The following MOB4 variants were observed in gnomAD, a reference collection of about 807,000 sequenced individuals.
The protein encoded by MOB4 is MOB-like protein phocein.
A neutral mutation model predicts 32.2 loss-of-function variants in MOB4; 4 were observed. That is an observed-to-expected ratio of 0.12 (90% CI 0.06 to 0.28). The LOEUF is 0.28. Among genes scored for constraint, MOB4 ranks in the 10% least tolerant of loss-of-function variants. The probability of loss-of-function intolerance (pLI) is 1.00; values close to 1 mark genes in which losing one functional copy is unlikely to be tolerated. For missense variants in MOB4, 158 were observed against 271.2 expected, an observed-to-expected ratio of 0.58 and a Z score of 2.93; for synonymous variants, 88 against 88.1, an observed-to-expected ratio of 1.00 and a Z score of 0.01.
chr2:197,520,410 C>T (rs574396653), intron 1 of MOB4, among the ~76,000 whole-genome samples: 33 of 152,170 alleles, frequency 2.2e-4, no homozygotes, highest in Admixed American at 1.4e-3. Flanking sequence ...AAGTGCTGAG[C>T]GTGAGCCACC....
At chr2:197,516,007 G>T, upstream of MOB4, 1 of 1,436,654 alleles carries the variant, frequency 7.0e-7, no homozygotes, top group Non-Finnish European at 9.5e-7. Flanking sequence ...CAGACGCAGA[G>T]CGCCGCTCTG....
chr2:197,524,551 AAAC>A (rs2086576483), intron 2 of MOB4, among the ~76,000 whole-genome samples: 2 of 151,928 alleles, frequency 1.3e-5, no homozygotes. Flanking sequence ...AAAAAAACAA[AAAC>A]AAAAACAAAA....
chr2:197,545,270 T>C (rs906511192), intron 5 of MOB4, among the ~76,000 whole-genome samples: 2 of 152,214 alleles, frequency 1.3e-5, no homozygotes, highest in African/African-American at 2.4e-5. Flanking sequence ...GTCTCTTATA[T>C]AAAATGGCAT....
intron 1 of MOB4, among the ~76,000 whole-genome samples, chr2:197,518,860 GTTC>G (rs2086464407): frequency 6.6e-6 from 1 of 151,358 alleles, no homozygotes; most frequent in Non-Finnish European, 1.5e-5. Context: ...GGTTCACGCT[GTTC>G]TTCTGCCTCG....
At chr2:197,516,463 C>A in intron 1 of MOB4, 1 of 1,135,044 alleles carries the variant, frequency 8.8e-7, no homozygotes, top group East Asian at 3.8e-5. Context: ...CCCTGAGCCC[C>A]AGCTGACTAG....
At chr2:197,541,399 C>T (rs1407876641) in intron 5 of MOB4, among the ~76,000 whole-genome samples, 2 of 152,114 alleles carry the variant, frequency 1.3e-5, no homozygotes, top group Admixed American at 1.3e-4. Context: ...TAGGCCAATT[C>T]TGTAGAATCA....
chr2:197,521,492 G>A (rs1162406387), intron 1 of MOB4, among the ~76,000 whole-genome samples: 2 of 152,166 alleles, frequency 1.3e-5, no homozygotes, highest in African/African-American at 4.8e-5. Flanking sequence ...AGGAGACAGG[G>A]TTTTGAGAGC....
Position 197,551,883 on chromosome 2 carries a change from A to G in MOB4, c.*1237A>G, listed in dbSNP as rs2087104417. ...TAAAGCACTGGAGGTCTTATTGCCAAACTGATTGTAATGAGGCAGTAAGGG... is the reference window on the plus strand; with the variant it reads ...TAAAGCACTGGAGGTCTTATTGCCAGACTGATTGTAATGAGGCAGTAAGGG... On this transcript the variant is annotated 3_prime_UTR_variant, in exon 8 of 8. Coordinates refer to ENST00000323303, the MANE Select transcript of MOB4 (RefSeq NM_015387.5). 1 of 152,350 alleles carries G rather than the reference A, an allele frequency of 6.6e-6. No individual in the cohort carries two copies. The highest frequency in any genetic ancestry group is 1.5e-5 in the Non-Finnish European group (1 of 68,034). The allele number at this position is 152,350 out of a possible 1,614,324, so 9.4% of individuals were successfully genotyped here.
chr2:197,540,041 TGCAGCTAA>T, intron 3 of MOB4, 62 bp from the exon 4 acceptor site: 1 of 1,510,232 alleles, frequency 6.6e-7, no homozygotes. Context: ...ATTCTCTTTT[TGCAGCTAA>T]TATTCTAAAA....
chr2:197,534,211 A>G (rs1246771508), intron 2 of MOB4, among the ~76,000 whole-genome samples: 1 of 152,242 alleles, frequency 6.6e-6, no homozygotes, highest in Non-Finnish European at 1.5e-5. Context: ...TGTCTGAAGT[A>G]GGCAAAATTG....
At position 197,551,841 on chromosome 2, in the gene MOB4, T is replaced by C. The variant is rs2087103438; in HGVS notation, c.*1195T>C. On this transcript the variant is annotated 3_prime_UTR_variant, in exon 8 of 8. Transcript: ENST00000323303. ...GCAGATTTAACAATCTTATAATCTA[T>C]TGAATGCCATTTTTGATAAAGCACT... The C allele has an allele frequency of 6.6e-6, 1 of 152,338 alleles. No homozygotes were observed. Among genetic ancestry groups the C allele is most frequent in the Non-Finnish European group, 1.5e-5 (1 of 68,024 alleles). 9.4% of individuals were successfully genotyped at this position (152,338 alleles called of 1,614,324 possible).
intron 2 of MOB4, among the ~76,000 whole-genome samples, chr2:197,532,759 GT>G (rs1472040921): frequency 6.6e-6 from 1 of 152,032 alleles, no homozygotes. Context: ...GAAAGTAAGT[GT>G]TAGTAAGTTG....
intron 3 of MOB4, among the ~76,000 whole-genome samples, chr2:197,536,915 G>GT: frequency 6.7e-6 from 1 of 150,326 alleles, no homozygotes; most frequent in East Asian, 1.9e-4. Context: ...TTTTTCCTTT[G>GT]TTTCTGTAGA....
At chr2:197,519,908 C>A (rs1254965633) in intron 1 of MOB4, among the ~76,000 whole-genome samples, 1 of 152,076 alleles carries the variant, frequency 6.6e-6, no homozygotes, top group African/African-American at 2.4e-5. Context: ...AAAAGGAATC[C>A]TGGAACCATT....
At chr2:197,524,594 G>T (rs2086577309) in intron 2 of MOB4, among the ~76,000 whole-genome samples, 2 of 150,260 alleles carry the variant, frequency 1.3e-5, no homozygotes, top group East Asian at 2.0e-4. Context: ...CTAATAAAAA[G>T]ATAATATAAA....
chr2:197,545,584 G>A (rs749758012), intron 5 of MOB4, among the ~76,000 whole-genome samples: 1 of 152,036 alleles, frequency 6.6e-6, no homozygotes, highest in Non-Finnish European at 1.5e-5. Context: ...AACATTAAAG[G>A]CTAAAAAGTT....
chr2:197,545,227 A>AC (rs1029106383), intron 5 of MOB4, among the ~76,000 whole-genome samples: 2 of 152,104 alleles, frequency 1.3e-5, no homozygotes, highest in African/African-American at 2.4e-5. Context: ...TGGTCCCAGG[A>AC]CCCCCATGAA....
At chr2:197,539,877 A>T (rs2086867673) in intron 3 of MOB4, among the ~76,000 whole-genome samples, 1 of 152,224 alleles carries the variant, frequency 6.6e-6, no homozygotes, top group African/African-American at 2.4e-5. Context: ...TCTAGTATAT[A>T]AGAGAATGAT....
At chr2:197,531,568 C>T (rs1447135860) in intron 2 of MOB4, among the ~76,000 whole-genome samples, 1 of 151,646 alleles carries the variant, frequency 6.6e-6, no homozygotes, top group Non-Finnish European at 1.5e-5. Flanking sequence ...ATTATTTCTT[C>T]AAGTACCTTT....
Sources: gnomAD v4.1 joint callset for allele counts (sites outside exome capture counted in the v4.1 genomes callset) on GRCh38, gnomAD v4.1.1 for gene constraint, MANE v1.5 for transcripts, NCBI Gene and HGNC (gene_info 2026-07-23, HGNC 2026-07-21) for gene names.